PRDM16: variants seen among roughly 807,000 people sequenced by gnomAD.
PRDM16 encodes histone-lysine N-methyltransferase PRDM16.
Under a neutral mutation model 110.6 loss-of-function variants are expected in PRDM16, and 23 were observed. The observed-to-expected ratio is 0.21, with a 90% CI of 0.15 to 0.29. The LOEUF (loss-of-function observed/expected upper bound fraction) is 0.29. Ranked by LOEUF, PRDM16 falls within the 10% of genes least tolerant of loss-of-function variation. The pLI is 1.00. For missense variants in PRDM16, 1,615 were observed against 1,794.3 expected, an observed-to-expected ratio of 0.90 and a Z score of 1.81; for synonymous variants, 799 against 781.8, an observed-to-expected ratio of 1.02 and a Z score of -0.37.
chr1:3,085,736 A>G (rs1642134485), intron 1 of PRDM16, among the ~76,000 whole-genome samples: 1 of 152,212 alleles, frequency 6.6e-6, no homozygotes. Context: ...TGGCCATGCC[A>G]GGTCTCTTTC....
chr1:3,105,321 G>A (rs1642628839), intron 1 of PRDM16, among the ~76,000 whole-genome samples: 1 of 152,210 alleles, frequency 6.6e-6, no homozygotes, highest in Admixed American at 6.5e-5. Context: ...CAGGCACCTG[G>A]CCCAGAGCAG....
At chr1:3,273,993 A>G (rs1287553008) in intron 3 of PRDM16, among the ~76,000 whole-genome samples, 1 of 151,364 alleles carries the variant, frequency 6.6e-6, no homozygotes, top group Non-Finnish European at 1.5e-5. Context: ...AAAAAAAAAA[A>G]AAAAAAGCCA....
At position 3,382,366 on chromosome 1, in the gene PRDM16, G is replaced by A. The variant is rs572978211; in HGVS notation, c.439-2786G>A. ...CCTGGACTTGGGCAGGGCAGGCAGT[G>A]ACCTCCCTGGACAGCGTGAGGACCC... On this transcript the variant is annotated intron_variant, in intron 3 of 16. Coordinates refer to ENST00000270722, the MANE Select transcript of PRDM16 (RefSeq NM_022114.4). The surrounding 1 kb of genome is among the most constrained non-coding windows in gnomAD (Gnocchi z 6.6). Among the ~76,000 whole-genome samples, 1 of 152,354 alleles carries A rather than the reference G, an allele frequency of 6.6e-6. No individual in the cohort carries two copies. The highest frequency in any genetic ancestry group is 2.1e-4 in the South Asian group (1 of 4,832).
At chr1:3,091,678 T>G (rs534535499) in intron 1 of PRDM16, among the ~76,000 whole-genome samples, 1 of 152,208 alleles carries the variant, frequency 6.6e-6, no homozygotes, top group Non-Finnish European at 1.5e-5. Flanking sequence ...TTCCAGCAGC[T>G]GTGCTGTGCT....
chr1:3,407,251 C>T (rs542671935), intron 8 of PRDM16, among the ~76,000 whole-genome samples: 1 of 152,352 alleles, frequency 6.6e-6, no homozygotes, highest in South Asian at 2.1e-4. Context: ...CCGTCCCACC[C>T]ACCTCCCAAG....
At chr1:3,183,884 C>T (rs971769423) in intron 1 of PRDM16, among the ~76,000 whole-genome samples, 3 of 152,226 alleles carry the variant, frequency 2.0e-5, no homozygotes, top group African/African-American at 4.8e-5. Flanking sequence ...GAGGCGCCCA[C>T]GCCCGAGAGG....
intron 1 of PRDM16, 79 bp from the exon 2 acceptor site, chr1:3,186,046 G>A (rs951117212): frequency 2.1e-5 from 26 of 1,261,036 alleles, no homozygotes; most frequent in African/African-American, 1.8e-4. Flanking sequence ...ATTGATGCCC[G>A]AGTCCCCGGC....
rs755442577 is a variant in PRDM16, at chr1:3,412,285, C to T, written c.2088C>T (p.Ile696=). The T allele has an allele frequency of 5.6e-6, 9 of 1,613,494 alleles. No individual in the cohort carries two copies. Among genetic ancestry groups the T allele is most frequent in the Middle Eastern group, 1.6e-4 (1 of 6,082 alleles). ...TGAAGDSIKA[I]ASIAEKYFGP... Reference sequence around the variant, plus strand: ...CCGCCGGGGACTCCATCAAGGCCATCGCATCCATTGCCGAGAAGTACTTTG... The same window carrying T: ...CCGCCGGGGACTCCATCAAGGCCATTGCATCCATTGCCGAGAAGTACTTTG... Residue 696 remains isoleucine, a synonymous_variant, in exon 9 of 17, where the codon ATC becomes ATT. Transcript: ENST00000270722.
chr1:3,415,605 CGTTT>C (rs1163416980), intron 10 of PRDM16, among the ~76,000 whole-genome samples: 1 of 152,242 alleles, frequency 6.6e-6, no homozygotes, highest in Non-Finnish European at 1.5e-5. Context: ...GCGCATCCTG[CGTTT>C]GTTTGTGCGG....
rs528583566 is a variant in PRDM16, at chr1:3,361,317, C to T, written c.439-23835C>T. ...CTGGAGACGGGGTCTCTGGGGATGA[C>T]GTGTTGAAGCCGTCCAGGACCCAGA... On this transcript the variant is annotated intron_variant, in intron 3 of 16. Coordinates refer to ENST00000270722, the MANE Select transcript of PRDM16 (RefSeq NM_022114.4). Among the ~76,000 whole-genome samples, 5 of 152,272 alleles carry T rather than the reference C, an allele frequency of 3.3e-5. No homozygotes were observed. In the Middle Eastern group the frequency reaches 0.01, roughly 311 times the overall value.
chr1:3,129,227 C>G (rs762357098), intron 1 of PRDM16, among the ~76,000 whole-genome samples: 4 of 145,744 alleles, frequency 2.7e-5, no homozygotes, highest in Non-Finnish European at 4.5e-5. Context: ...TGTGTCTTGG[C>G]TGGTATGTGC....
At chr1:3,331,724 C>T (rs373097546) in intron 3 of PRDM16, among the ~76,000 whole-genome samples, 228 of 152,354 alleles carry the variant, frequency 1.5e-3, no homozygotes, top group African/African-American at 5.1e-3. Context: ...GCCTGGCACC[C>T]GGACCCAGGG....
intron 1 of PRDM16, among the ~76,000 whole-genome samples, chr1:3,155,626 G>A (rs897472737): frequency 6.6e-6 from 1 of 152,274 alleles, no homozygotes; most frequent in African/African-American, 2.4e-5. Flanking sequence ...CACGGCCGCC[G>A]GCCTCGCCTT....
At chr1:3,380,188 G>A (rs1643078225) in intron 3 of PRDM16, among the ~76,000 whole-genome samples, 1 of 151,274 alleles carries the variant, frequency 6.6e-6, no homozygotes, top group Admixed American at 6.6e-5. Context: ...CTCATTGCTG[G>A]TTCAGGGCCC....
At chr1:3,341,272 C>T (rs561345428) in intron 3 of PRDM16, among the ~76,000 whole-genome samples, 34 of 152,210 alleles carry the variant, frequency 2.2e-4, no homozygotes, top group South Asian at 1.9e-3. Flanking sequence ...TTTCCATCCC[C>T]GTTGGCAAGG....
chr1:3,164,600 C>T (rs913515074), intron 1 of PRDM16, among the ~76,000 whole-genome samples: 1 of 152,170 alleles, frequency 6.6e-6, no homozygotes, highest in Admixed American at 6.5e-5. Flanking sequence ...GTAGCCCGCT[C>T]GGTGTCTCTG....
At chr1:3,395,591 C>A (rs192360460) in intron 4 of PRDM16, among the ~76,000 whole-genome samples, 1 of 152,148 alleles carries the variant, frequency 6.6e-6, no homozygotes, top group African/African-American at 2.4e-5. Flanking sequence ...ACACACCTGC[C>A]GCCAGACACT....
intron 1 of PRDM16, among the ~76,000 whole-genome samples, chr1:3,112,622 G>T (rs1642823143): frequency 6.6e-6 from 1 of 152,242 alleles, no homozygotes; most frequent in Non-Finnish European, 1.5e-5. Flanking sequence ...GGGAGCGTCT[G>T]TGGAGCCTGT....
chr1:3,330,838 G>C (rs75698259), intron 3 of PRDM16, among the ~76,000 whole-genome samples: 2 of 152,330 alleles, frequency 1.3e-5, no homozygotes, highest in Non-Finnish European at 2.9e-5. Context: ...ATACAGGCCC[G>C]AGCTGCCCTC....
Sources: gnomAD v4.1 joint callset for allele counts (sites outside exome capture counted in the v4.1 genomes callset) on GRCh38, gnomAD v4.1.1 for gene constraint, Gnocchi (gnomAD v3.1) non-coding constraint, MANE v1.5 for transcripts, NCBI Gene and HGNC (gene_info 2026-07-23, HGNC 2026-07-21) for gene names.